Variants in SMIM41 observed in about 807,000 individuals in gnomAD.
SMIM41 encodes small integral membrane protein 41.
At chr12:52,091,244 G>T (rs547558878) in intron 2 of SMIM41, among the ~76,000 whole-genome samples, 1 of 152,214 alleles carries the variant, frequency 6.6e-6, no homozygotes, top group Admixed American at 6.5e-5. Context: ...TTCCCATCAC[G>T]GGTTTCAGGT....
intron 2 of SMIM41, among the ~76,000 whole-genome samples, chr12:52,087,987 G>A (rs897851076): frequency 6.6e-6 from 1 of 152,134 alleles, no homozygotes; most frequent in Non-Finnish European, 1.5e-5. Context: ...CTCTCGGCCC[G>A]TGGCTCTGAA....
Position 52,089,317 on chromosome 12 carries a change from G to A in SMIM41, c.*195+5349G>A, listed in dbSNP as rs973532137. On this transcript the variant is annotated intron_variant, in intron 2 of 2. Transcript: ENST00000546390. The stretch of plus-strand genomic sequence containing the variant: ...TCCCTCTGAAACCTGTAGGGGGGTC[G>A]GGTGGGGCGGCTCACACCCATAATC... 6.6e-5 allele frequency among the ~76,000 whole-genome samples: 10 copies of A among 152,032 alleles called. No individual in the cohort carries two copies. The East Asian group carries it at 1.9e-3, about 29-fold the overall frequency.
At chr12:52,088,641 CG>C (rs1438088620) in intron 2 of SMIM41, among the ~76,000 whole-genome samples, 1 of 152,184 alleles carries the variant, frequency 6.6e-6, no homozygotes, top group Non-Finnish European at 1.5e-5. Context: ...TTCATGTCCC[CG>C]GCCGCCACCT....
intron 2 of SMIM41, among the ~76,000 whole-genome samples, chr12:52,105,684 C>T (rs148402575): frequency 0.015 from 2,335 of 151,944 alleles, 55 homozygotes; most frequent in African/African-American, 0.054. Flanking sequence ...ACCTGGGATG[C>T]GGAGGTTGCA....
rs1213962702 is a variant in SMIM41 at position 52,081,553 on chromosome 12, CAGGGCCCTG to C, written c.*120+1376_*120+1384del. 6.6e-6 allele frequency among the ~76,000 whole-genome samples: 1 copy of C among 152,068 alleles called. No individual in the cohort carries two copies. Among genetic ancestry groups the C allele is most frequent in the Non-Finnish European group, 1.5e-5 (1 of 67,964 alleles). On this transcript the variant is annotated intron_variant, in intron 1 of 2. Transcript: ENST00000546390. The surrounding 1 kb of genome is among the most constrained non-coding windows in gnomAD (Gnocchi z 4.1). ...CCACCCCCTAGGAGGGAGGGTTGTC[CAGGGCCCTG>C]AGGCGTGTGTGTAGTGTGTCTGTTA...
At chr12:52,093,640 A>G (rs1940040423) in intron 2 of SMIM41, 1 of 152,118 alleles carries the variant, frequency 6.6e-6, no homozygotes, top group South Asian at 2.1e-4. Context: ...GTAATGTTTT[A>G]CTAAATTAAT....
intron 2 of SMIM41, among the ~76,000 whole-genome samples, chr12:52,105,241 C>A (rs1199921199): frequency 1.4e-4 from 21 of 152,348 alleles, no homozygotes; most frequent in African/African-American, 4.8e-4. Flanking sequence ...ATAGAAAGGG[C>A]AGCTGAGATC....
chr12:52,084,864 G>C (rs1939870525), intron 2 of SMIM41: 1 of 152,416 alleles, frequency 6.6e-6, no homozygotes, highest in Non-Finnish European at 1.5e-5. Context: ...GCTGGAAGTA[G>C]AGAGGAGGCA....
chr12:52,080,152 C>CA lies in SMIM41; in HGVS notation c.*91_*92insA, dbSNP rs562333330. On this transcript the variant is annotated 3_prime_UTR_variant, in exon 1 of 3. Transcript: ENST00000546390. ...GCCCGACGGCTGCTGCGGTCCCGAC[C>CA]CCTTACCCGAAGCGGCGCGCCCCAC... 73 of 339,434 alleles carry CA rather than the reference C, an allele frequency of 2.2e-4. No homozygotes were observed. In the East Asian group the frequency reaches 2.5e-3, roughly 11 times the overall value. 21.0% of individuals were successfully genotyped at this position (339,434 alleles called of 1,614,324 possible). A position where few individuals can be genotyped will look rare whatever the true frequency, so the allele number is the denominator to read the frequency against.
At chr12:52,090,305 A>G (rs1456446162) in intron 2 of SMIM41, among the ~76,000 whole-genome samples, 1 of 151,726 alleles carries the variant, frequency 6.6e-6, no homozygotes. Flanking sequence ...CTGGTCTCGA[A>G]CTCCTGAACT....
chr12:52,095,889 G>A (rs1940084293), intron 2 of SMIM41, among the ~76,000 whole-genome samples: 1 of 151,770 alleles, frequency 6.6e-6, no homozygotes, highest in Non-Finnish European at 1.5e-5. Context: ...CTTCTGGATA[G>A]TAGGAACAAT....
intron 2 of SMIM41, among the ~76,000 whole-genome samples, chr12:52,104,723 C>A (rs759478810): frequency 6.6e-6 from 1 of 152,084 alleles, no homozygotes; most frequent in Non-Finnish European, 1.5e-5. Flanking sequence ...TTTCCTCCCC[C>A]ACTGGTTGTC....
chr12:52,096,076 T>C (rs1364474683), intron 2 of SMIM41, among the ~76,000 whole-genome samples: 2 of 151,522 alleles, frequency 1.3e-5, no homozygotes, highest in Non-Finnish European at 2.9e-5. Flanking sequence ...GTACATCTCC[T>C]GTTGTATGGG....
At chr12:52,104,785 A>G (rs1488826624) in intron 2 of SMIM41, among the ~76,000 whole-genome samples, 2 of 152,146 alleles carry the variant, frequency 1.3e-5, no homozygotes, top group African/African-American at 2.4e-5. Flanking sequence ...CCTCTAAACT[A>G]TTCTCTAAGA....
Position 52,107,859 on chromosome 12 carries a change from T to A in SMIM41, c.*676T>A. ...TGACCTGCTTCAAGGAGGTGGACATTCCTAATTTCTTCTGTGACCTTTCTC... is the reference window on the plus strand; with the variant it reads ...TGACCTGCTTCAAGGAGGTGGACATACCTAATTTCTTCTGTGACCTTTCTC... On this transcript the variant is annotated 3_prime_UTR_variant, in exon 3 of 3. Coordinates refer to ENST00000546390, the MANE Select transcript of SMIM41 (RefSeq NM_001369216.1). 1 of 327,144 alleles carries A rather than the reference T, an allele frequency of 3.1e-6. No homozygotes were observed. Among genetic ancestry groups the A allele is most frequent in the South Asian group, 2.6e-5 (1 of 38,318 alleles). 20.3% of individuals were successfully genotyped at this position (327,144 alleles called of 1,614,324 possible).
chr12:52,099,070 G>A (rs1025608274), intron 2 of SMIM41, among the ~76,000 whole-genome samples: 1 of 151,732 alleles, frequency 6.6e-6, no homozygotes, highest in African/African-American at 2.4e-5. Flanking sequence ...TGCAATATTG[G>A]GAGTAGTATC....
At chr12:52,104,922 T>A (rs149902976) in intron 2 of SMIM41, among the ~76,000 whole-genome samples, 1 of 152,344 alleles carries the variant, frequency 6.6e-6, no homozygotes, top group African/African-American at 2.4e-5. Context: ...ATGCAGCTTG[T>A]TTCATTTCCT....
intron 2 of SMIM41, among the ~76,000 whole-genome samples, chr12:52,088,104 T>G (rs1000643033): frequency 2.6e-5 from 4 of 152,194 alleles, no homozygotes; most frequent in Non-Finnish European, 4.4e-5. Flanking sequence ...GAGAATGTGT[T>G]GTACATGAGA....
chr12:52,085,839 G>C (rs547677702), intron 2 of SMIM41, among the ~76,000 whole-genome samples: 21 of 152,326 alleles, frequency 1.4e-4, no homozygotes, highest in African/African-American at 5.1e-4. Flanking sequence ...GTGAACAGAT[G>C]CTGGGTGGCC....
Sources: gnomAD v4.1 joint callset for allele counts (sites outside exome capture counted in the v4.1 genomes callset) on GRCh38, gnomAD v4.1.1 for gene constraint, Gnocchi (gnomAD v3.1) non-coding constraint, MANE v1.5 for transcripts, NCBI Gene and HGNC (gene_info 2026-07-23, HGNC 2026-07-21) for gene names.